The following DENND1B variants were observed in gnomAD, a reference collection of about 807,000 sequenced individuals.
The protein encoded by DENND1B is DENN domain containing 1B, also known as DENN domain-containing protein 1B.
Under a neutral mutation model 90.1 loss-of-function variants are expected in DENND1B, and 59 were observed. The observed-to-expected ratio is 0.65, with a 90% confidence interval of 0.53 to 0.81. The LOEUF (loss-of-function observed/expected upper bound fraction) is 0.81, where lower values mean the gene tolerates loss of function less well. Ranked by LOEUF, DENND1B falls within the 40% of genes least tolerant of loss-of-function variation. The pLI, the probability that DENND1B is intolerant of heterozygous loss-of-function variation, is 0.00. For missense variants in DENND1B, 862 were observed against 912.6 expected, an observed-to-expected ratio of 0.94 and a Z score of 0.71; for synonymous variants, 337 against 324.6, an observed-to-expected ratio of 1.04 and a Z score of -0.41.
At chr1:197,647,549 C>A (rs1680835714) in intron 7 of DENND1B, among the ~76,000 whole-genome samples, 1 of 152,178 alleles carries the variant, frequency 6.6e-6, no homozygotes, top group South Asian at 2.1e-4. Flanking sequence ...ACTTATTTAA[C>A]AGTATAACAC....
rs751470280 is a variant in DENND1B at position 197,645,751 on chromosome 1, A to G, written c.508-8T>C. The G allele has an allele frequency of 5.8e-6, 9 of 1,545,462 alleles. No homozygotes were observed. ...GGCAATGAAGTAGGAATGCTAATCA[A>G]TACAAATAAATCACATATGAAAAAG... On this transcript the variant is annotated splice_polypyrimidine_tract_variant and splice_region_variant and intron_variant, in intron 8 of 22. Coordinates refer to ENST00000620048, the MANE Select transcript of DENND1B (RefSeq NM_001195215.2).
intron 20 of DENND1B, among the ~76,000 whole-genome samples, chr1:197,527,310 T>G (rs1376212871): frequency 9.0e-6 from 1 of 110,730 alleles, no homozygotes; most frequent in Admixed American, 9.0e-5. Context: ...AGGTTTTTTT[T>G]TGTTTTTGTT....
intron 20 of DENND1B, among the ~76,000 whole-genome samples, chr1:197,516,773 A>G (rs1206757384): frequency 6.6e-6 from 1 of 151,854 alleles, no homozygotes; most frequent in Non-Finnish European, 1.5e-5. Context: ...CAAATCACAG[A>G]CATATCATTA....
At chr1:197,698,137 C>CACTT (rs1173627057) in intron 3 of DENND1B, among the ~76,000 whole-genome samples, 1 of 152,150 alleles carries the variant, frequency 6.6e-6, no homozygotes, top group Non-Finnish European at 1.5e-5. Context: ...TGCCACATCA[C>CACTT]ACTTATTCTA....
rs149047953 is a variant in DENND1B, at chr1:197,738,076, T to C, written c.83-23002A>G. ...ATTTACTTTCCCCTTCAACTGTATT[T>C]ACACAGATTTCTCTGACACCTGTTT... On this transcript the variant is annotated intron_variant, in intron 2 of 22. Transcript: ENST00000620048. Among the ~76,000 whole-genome samples, 396 of 152,328 alleles carry C rather than the reference T, an allele frequency of 2.6e-3. 2 individuals carry two copies. Among genetic ancestry groups the C allele is most frequent in the Non-Finnish European group, 3.8e-3 (258 of 68,012 alleles).
At chr1:197,595,445 C>G (rs2125808768) in intron 13 of DENND1B, 112 bp from the exon 14 acceptor site, 1 of 1,312,040 alleles carries the variant, frequency 7.6e-7, no homozygotes, top group Non-Finnish European at 1.0e-6. Context: ...AAAATTCATC[C>G]TCCTCCCTGA....
At chr1:197,586,215 C>G (rs542646323) in intron 14 of DENND1B, among the ~76,000 whole-genome samples, 1 of 152,084 alleles carries the variant, frequency 6.6e-6, no homozygotes. Flanking sequence ...AATACGGAAT[C>G]AAATATCAGA....
chr1:197,541,192 C>T (rs927783744), intron 18 of DENND1B, among the ~76,000 whole-genome samples, 177 bp from the exon 19 acceptor site: 5 of 152,172 alleles, frequency 3.3e-5, no homozygotes, highest in African/African-American at 4.8e-5. Flanking sequence ...TATTTTATTA[C>T]ACCTAAATCA....
intron 2 of DENND1B, among the ~76,000 whole-genome samples, chr1:197,737,105 C>A (rs1039914731): frequency 1.3e-5 from 2 of 152,186 alleles, no homozygotes; most frequent in African/African-American, 4.8e-5. Flanking sequence ...TATCCCAGTT[C>A]TTCCAATTGC....
chr1:197,521,589 C>T (rs560686364), intron 20 of DENND1B, among the ~76,000 whole-genome samples: 1 of 151,936 alleles, frequency 6.6e-6, no homozygotes, highest in South Asian at 2.1e-4. Context: ...AACAAATCCC[C>T]AAGCTTATGT....
At chr1:197,759,679 G>A (rs1654769858) in intron 2 of DENND1B, among the ~76,000 whole-genome samples, 1 of 142,272 alleles carries the variant, frequency 7.0e-6, no homozygotes, top group Non-Finnish European at 1.5e-5. Flanking sequence ...GGAGGTGGAG[G>A]TTGCAGTGAG....
chr1:197,707,137 T>C (rs946541252), intron 3 of DENND1B, among the ~76,000 whole-genome samples: 4 of 152,322 alleles, frequency 2.6e-5, no homozygotes, highest in African/African-American at 4.8e-5. Context: ...GAGGATATTA[T>C]GTTAAGTGAA....
At chr1:197,678,505 A>G (rs1422033618) in intron 3 of DENND1B, among the ~76,000 whole-genome samples, 2 of 152,184 alleles carry the variant, frequency 1.3e-5, no homozygotes, top group Non-Finnish European at 2.9e-5. Context: ...AGAATTACCT[A>G]ATACTACACA....
At chr1:197,717,814 C>T (rs1392125827) in intron 2 of DENND1B, among the ~76,000 whole-genome samples, 4 of 151,870 alleles carry the variant, frequency 2.6e-5, no homozygotes, top group Non-Finnish European at 5.9e-5. Context: ...GATTCTACTA[C>T]ACTACAAAAA....
chr1:197,649,588 C>T (rs1302301766), intron 7 of DENND1B, among the ~76,000 whole-genome samples: 8 of 152,056 alleles, frequency 5.3e-5, no homozygotes, highest in Non-Finnish European at 5.9e-5. Context: ...AACTGATCTT[C>T]GACAAAGCAA....
At chr1:197,716,333 T>C (rs1042718130) in intron 2 of DENND1B, among the ~76,000 whole-genome samples, 2 of 151,676 alleles carry the variant, frequency 1.3e-5, no homozygotes, top group African/African-American at 2.4e-5. Flanking sequence ...AAAGTTTCCA[T>C]ATAAATAATA....
intron 10 of DENND1B, among the ~76,000 whole-genome samples, chr1:197,629,070 C>G (rs911316360): frequency 3.4e-4 from 52 of 152,166 alleles, no homozygotes; most frequent in Non-Finnish European, 3.5e-4. Flanking sequence ...CACTTTTACA[C>G]TGTTGGTGGG....
intron 3 of DENND1B, among the ~76,000 whole-genome samples, chr1:197,701,637 TC>T (rs1206702940): frequency 6.6e-6 from 1 of 151,952 alleles, no homozygotes; most frequent in African/African-American, 2.4e-5. Context: ...TGATTCCCAG[TC>T]CAATCTTCCT....
At chr1:197,605,576 G>A (rs1676601759) in intron 13 of DENND1B, 1 of 150,842 alleles carries the variant, frequency 6.6e-6, no homozygotes, top group South Asian at 2.1e-4. Flanking sequence ...TAAAAGTTGG[G>A]ATTCTATTTT....
Sources: allele counts gnomAD v4.1 joint callset (sites outside exome capture counted in the v4.1 genomes callset), GRCh38; gene constraint gnomAD v4.1.1; transcripts MANE v1.5; gene names NCBI Gene and HGNC (gene_info 2026-07-23, HGNC 2026-07-21).